Variants in RASAL2 observed in about 807,000 individuals in gnomAD.
RASAL2 encodes the protein RAS protein activator like 2.
Under a neutral mutation model 128.9 loss-of-function variants are expected in RASAL2, and 58 were observed. The observed-to-expected ratio is 0.45, with a 90% CI of 0.36 to 0.56. RASAL2 has a LOEUF of 0.56. Ranked by LOEUF, RASAL2 falls within the 20% of genes least tolerant of loss-of-function variation. The pLI is 0.00. For synonymous variants in RASAL2, 561 were observed against 580.8 expected (o/e 0.97, Z 0.49); for missense variants, 1,360 against 1,601.6 (o/e 0.85, Z 2.57).
chr1:178,379,375 AAGAG>A (rs928355382), intron 3 of RASAL2, among the ~76,000 whole-genome samples: 1 of 150,498 alleles, frequency 6.6e-6, no homozygotes, highest in Non-Finnish European at 1.5e-5. Flanking sequence ...CCTGTCTTGA[AAGAG>A]AGAGAGAGAC....
chr1:178,363,666 C>T (rs1671242140), intron 3 of RASAL2, among the ~76,000 whole-genome samples: 1 of 152,206 alleles, frequency 6.6e-6, no homozygotes, highest in South Asian at 2.1e-4. Flanking sequence ...AAATTTTGCT[C>T]ATTTAACAAA....
At chr1:178,439,305 C>T (rs2102830667) in intron 5 of RASAL2, 117 bp from the exon 6 acceptor site, 2 of 855,418 alleles carry the variant, frequency 2.3e-6, no homozygotes, top group Admixed American at 3.0e-5. Flanking sequence ...TTAATTTGTT[C>T]CTCATTTATT....
chr1:178,109,858 C>T (rs1338522806), intron 1 of RASAL2, among the ~76,000 whole-genome samples: 1 of 151,974 alleles, frequency 6.6e-6, no homozygotes, highest in East Asian at 1.9e-4. Context: ...CCTGCCTCTA[C>T]AAAAAATAAA....
intron 4 of RASAL2, among the ~76,000 whole-genome samples, chr1:178,418,372 G>C (rs1270045701): frequency 6.6e-6 from 1 of 152,120 alleles, no homozygotes; most frequent in Non-Finnish European, 1.5e-5. Context: ...TATTCATTAG[G>C]TGGAAGTGAA....
chr1:178,229,408 C>T (rs561573691), intron 1 of RASAL2, among the ~76,000 whole-genome samples: 8 of 151,938 alleles, frequency 5.3e-5, no homozygotes, highest in Non-Finnish European at 1.2e-4. Flanking sequence ...TGAAACTGAA[C>T]AATTCCATGA....
chr1:178,264,591 A>G (rs1318737820), intron 1 of RASAL2, among the ~76,000 whole-genome samples: 1 of 152,186 alleles, frequency 6.6e-6, no homozygotes, highest in Non-Finnish European at 1.5e-5. Context: ...AAAGGATATC[A>G]TAGAGGACAC....
At chr1:178,471,302 A>G (rs1434734201) in intron 17 of RASAL2, among the ~76,000 whole-genome samples, 3 of 151,718 alleles carry the variant, frequency 2.0e-5, no homozygotes, top group Non-Finnish European at 2.9e-5. Flanking sequence ...CTTAGCTCTT[A>G]CCTCTTGTTT....
At chr1:178,317,388 T>A (rs1668537890) in intron 3 of RASAL2, among the ~76,000 whole-genome samples, 1 of 146,090 alleles carries the variant, frequency 6.8e-6, no homozygotes, top group Non-Finnish European at 1.5e-5. Flanking sequence ...TCCTTGTACC[T>A]CTGGTAGAAT....
chr1:178,189,461 T>C (rs1367118644), intron 1 of RASAL2, among the ~76,000 whole-genome samples: 1 of 152,186 alleles, frequency 6.6e-6, no homozygotes, highest in African/African-American at 2.4e-5. Context: ...TACTTTTCTG[T>C]AGAACCAAAA....
intron 1 of RASAL2, among the ~76,000 whole-genome samples, chr1:178,175,272 A>G (rs1661842966): frequency 6.6e-6 from 1 of 151,986 alleles, no homozygotes; most frequent in Admixed American, 6.6e-5. Flanking sequence ...TGGGGGGAAA[A>G]GTCGTATATG....
chr1:178,158,226 G>A (rs1056939061), intron 1 of RASAL2, among the ~76,000 whole-genome samples: 1 of 152,186 alleles, frequency 6.6e-6, no homozygotes, highest in East Asian at 1.9e-4. Flanking sequence ...AAAGAACGGA[G>A]GATGTGCATC....
At chr1:178,248,280 T>G (rs1229438737) in intron 1 of RASAL2, among the ~76,000 whole-genome samples, 1 of 152,220 alleles carries the variant, frequency 6.6e-6, no homozygotes, top group Non-Finnish European at 1.5e-5. Flanking sequence ...ATATTTAGGA[T>G]AGTTAGCTCT....
intron 4 of RASAL2, among the ~76,000 whole-genome samples, chr1:178,390,870 GTT>G (rs927638383): frequency 6.8e-6 from 1 of 147,390 alleles, no homozygotes; most frequent in Admixed American, 6.8e-5. Context: ...CTGGTGGCAG[GTT>G]TTTTTTTTAG....
At chr1:178,295,013 C>T (rs562299512) in intron 2 of RASAL2, among the ~76,000 whole-genome samples, 2 of 152,216 alleles carry the variant, frequency 1.3e-5, no homozygotes, top group South Asian at 2.1e-4. Context: ...CTGTTTAAAA[C>T]CTGACTACTC....
chr1:178,363,936 A>G (rs577911178), intron 3 of RASAL2, among the ~76,000 whole-genome samples: 1 of 152,184 alleles, frequency 6.6e-6, no homozygotes, highest in South Asian at 2.1e-4. Context: ...CTCTACTAAA[A>G]ATACAAAAAA....
chr1:178,341,354 G>A, intron 3 of RASAL2: 1 of 1,149,786 alleles, frequency 8.7e-7, no homozygotes, highest in African/African-American at 1.6e-5. Flanking sequence ...GTAAGGAAGG[G>A]TGGCTATTGT....
rs558251892 is a variant in RASAL2 at position 178,199,228 on chromosome 1, A to C, written c.203-84336A>C. 2.4e-3 allele frequency among the ~76,000 whole-genome samples: 370 copies of C among 152,324 alleles called. 1 individual carries two copies. The highest frequency in any genetic ancestry group is 8.6e-3 in the African/African-American group (359 of 41,580). On this transcript the variant is annotated intron_variant, in intron 1 of 17. Coordinates refer to ENST00000367649, the MANE Select transcript of RASAL2 (RefSeq NM_170692.4). ...TCTGTCAAGGCTTCCCTTGGCTAGG[A>C]AAGGGAAATCCCTCGACACCTTGCG...
chr1:178,341,732 G>C, intron 3 of RASAL2: 1 of 1,423,190 alleles, frequency 7.0e-7, no homozygotes, highest in Admixed American at 2.0e-5. Context: ...TAAAAAAATA[G>C]GTTGGTTTTT....
chr1:178,120,476 G>A (rs1485610242), intron 1 of RASAL2, among the ~76,000 whole-genome samples: 5 of 152,150 alleles, frequency 3.3e-5, no homozygotes, highest in African/African-American at 1.2e-4. Context: ...ATAAAATAAT[G>A]ATGGGCTACA....
Sources: allele counts gnomAD v4.1 joint callset (sites outside exome capture counted in the v4.1 genomes callset), GRCh38; gene constraint gnomAD v4.1.1; transcripts MANE v1.5; gene names NCBI Gene and HGNC (gene_info 2026-07-23, HGNC 2026-07-21).